ADAM20: variants seen among roughly 807,000 people sequenced by gnomAD.
ADAM20 encodes disintegrin and metalloproteinase domain-containing protein 20.
For missense variants in ADAM20, 871 were observed against 883.2 expected (o/e 0.99, Z 0.18); for synonymous variants, 305 against 310.2 (o/e 0.98, Z 0.18).
chr14:70,574,556 T>C, the ADAM20 span, among the ~76,000 whole-genome samples: 1 of 151,402 alleles, frequency 6.6e-6, no homozygotes, highest in South Asian at 2.1e-4. Context: ...AGGAGAATGG[T>C]GTGAACCCGG....
chr14:70,553,067 C>A, the ADAM20 span, among the ~76,000 whole-genome samples: 1 of 35,510 alleles, frequency 2.8e-5, no homozygotes, highest in Non-Finnish European at 5.3e-5. Context: ...GAACAAAAAA[C>A]CAAACACCGC....
the ADAM20 span, among the ~76,000 whole-genome samples, chr14:70,540,518 C>A: frequency 6.6e-6 from 1 of 152,176 alleles, no homozygotes; most frequent in African/African-American, 2.4e-5. Flanking sequence ...CAATTTTATA[C>A]TTATCTCTGC....
chr14:70,527,344 T>C (rs1434172554), intron 1 of ADAM20, among the ~76,000 whole-genome samples: 1 of 152,180 alleles, frequency 6.6e-6, no homozygotes, highest in Non-Finnish European at 1.5e-5. Context: ...CCTTACCTAC[T>C]TGAAGATTGA....
At chr14:70,554,720 T>C in the ADAM20 span, among the ~76,000 whole-genome samples, 7 of 152,140 alleles carry the variant, frequency 4.6e-5, no homozygotes, top group African/African-American at 1.7e-4. Flanking sequence ...AAGCAGAGAA[T>C]AGAATAGTGG....
intron 1 of ADAM20, among the ~76,000 whole-genome samples, chr14:70,528,282 G>C (rs888005598): frequency 3.3e-5 from 5 of 152,306 alleles, no homozygotes; most frequent in African/African-American, 9.6e-5. Flanking sequence ...GGGCGGGGGA[G>C]TTTGGAACAA....
At position 70,524,017 on chromosome 14, in the gene ADAM20, A is replaced by T. The variant is rs752290108; in HGVS notation, c.741T>A (p.Pro247=). 2 of 1,613,962 alleles carry T rather than the reference A, an allele frequency of 1.2e-6. No homozygotes were observed. Among genetic ancestry groups the T allele is most frequent in the South Asian group, 2.2e-5 (2 of 91,058 alleles). The change falls in exon 2 of 2, where the codon CCT becomes CCA. Residue 247 remains proline (P), a synonymous_variant. Coordinates refer to ENST00000256389, the MANE Select transcript of ADAM20 (RefSeq NM_003814.5). ...VVNIVDSFYH[P]LEVDVILTGI... ...CAGTCAAAATTACATCAACCTCCAA[A>T]GGATGATAGAAGGAATCCACTATAT...
At chr14:70,574,056 C>T in the ADAM20 span, among the ~76,000 whole-genome samples, 1 of 152,190 alleles carries the variant, frequency 6.6e-6, no homozygotes, top group East Asian at 1.9e-4. Flanking sequence ...TAGCCAACAG[C>T]AGTTCTTCTC....
In ADAM20 at chr14:70,527,582, T is replaced by C. The variant is rs1883616919; in HGVS notation, c.-176-2649A>G. On this transcript the variant is annotated intron_variant, in intron 1 of 1. Transcript: ENST00000256389. Reference sequence around the variant, plus strand: ...ATAGTTCTTTTAATGGCCACGCTCATCAGTGGTCTGTATTGCCCCCTCAAA... The same window carrying C: ...ATAGTTCTTTTAATGGCCACGCTCACCAGTGGTCTGTATTGCCCCCTCAAA... Among the ~76,000 whole-genome samples, 5 of 152,318 alleles carry C rather than the reference T, an allele frequency of 3.3e-5. No individual in the cohort carries two copies. The South Asian group carries it at 1.0e-3, about 32-fold the overall frequency.
chr14:70,557,751 AT>A, the ADAM20 span, among the ~76,000 whole-genome samples: 4,978 of 145,124 alleles, frequency 0.034, 220 homozygotes, highest in African/African-American at 0.11. Context: ...TTCTTAAAAC[AT>A]TTTTTTTTTT....
At chr14:70,540,772 A>G in the ADAM20 span, among the ~76,000 whole-genome samples, 2,720 of 152,334 alleles carry the variant, frequency 0.018, 49 homozygotes, top group African/African-American at 0.045. Context: ...CATCTTTAAT[A>G]TTAAAGAGAA....
the ADAM20 span, among the ~76,000 whole-genome samples, chr14:70,541,972 T>C: frequency 0.027 from 4,045 of 152,092 alleles, 81 homozygotes; most frequent in Middle Eastern, 0.058. Flanking sequence ...TGTGAAGCTC[T>C]AACAGGTGCC....
At chr14:70,534,416 AAC>A (rs1883786675) in intron 1 of ADAM20, among the ~76,000 whole-genome samples, 1 of 152,182 alleles carries the variant, frequency 6.6e-6, no homozygotes, top group South Asian at 2.1e-4. Context: ...TTCCCATGTT[AAC>A]TGCAGCATTA....
chr14:70,524,639 G>A lies in ADAM20; in HGVS notation c.119C>T (p.Pro40Leu), dbSNP rs1210131978. ...QARPSQYFTS[P>L]EVVIPLKVIS... is the part of the protein sequence containing the mutation. ...CACCTTCAAAGGGATCACCACTTCT[G>A]GAGAAGTGAAATACTGGGAGGGCCT... Residue 40 changes from proline (P) to leucine (L), a missense_variant, in exon 2 of 2, where the codon CCA becomes CTA. Transcript: ENST00000256389. 2 of 1,614,006 alleles carry A rather than the reference G, an allele frequency of 1.2e-6. No homozygotes were observed. The highest frequency in any genetic ancestry group is 1.7e-5 in the Admixed American group (1 of 59,978).
chr14:70,572,628 T>C, the ADAM20 span, among the ~76,000 whole-genome samples: 7 of 152,174 alleles, frequency 4.6e-5, no homozygotes, highest in African/African-American at 1.7e-4. Context: ...AGCTTTAGCA[T>C]AGCAAAAGAA....
At chr14:70,566,426 G>C in the ADAM20 span, among the ~76,000 whole-genome samples, 1 of 151,626 alleles carries the variant, frequency 6.6e-6, no homozygotes, top group Non-Finnish European at 1.5e-5. Context: ...AAACTTACAG[G>C]AGATACACAA....
In ADAM20 at chr14:70,524,890, C is replaced by T; in HGVS notation, c.-133G>A. Reference sequence around the variant, plus strand: ...CTTTAGGGATCTGGGGATCTGTGTCCTGGTGGAGCTGGACCATCAGAGCTG... The same window carrying T: ...CTTTAGGGATCTGGGGATCTGTGTCTTGGTGGAGCTGGACCATCAGAGCTG... On this transcript the variant is annotated 5_prime_UTR_variant, in exon 2 of 2. Transcript: ENST00000256389. 1.1e-5 allele frequency: 18 copies of T among 1,610,198 alleles called. No homozygotes were observed. The highest frequency in any genetic ancestry group is 1.5e-5 in the Non-Finnish European group (18 of 1,178,548).
At chr14:70,539,970 C>T (rs547645062), upstream of ADAM20, among the ~76,000 whole-genome samples, 6 of 152,296 alleles carry the variant, frequency 3.9e-5, no homozygotes, top group Middle Eastern at 3.4e-3. Context: ...CACAACCTGC[C>T]GATCCGCCTG....
At chr14:70,532,873 C>G (rs955149751) in intron 1 of ADAM20, among the ~76,000 whole-genome samples, 11 of 151,982 alleles carry the variant, frequency 7.2e-5, no homozygotes, top group Non-Finnish European at 1.6e-4. Flanking sequence ...CCTGAATAGG[C>G]ATTTATCCAA....
the ADAM20 span, among the ~76,000 whole-genome samples, chr14:70,566,707 C>T: frequency 5.3e-5 from 8 of 152,228 alleles, no homozygotes; most frequent in East Asian, 3.9e-4. Context: ...AGGCCGGGCG[C>T]GGTGGCTCAC....
Sources: gnomAD v4.1 joint callset for allele counts (sites outside exome capture counted in the v4.1 genomes callset) on GRCh38, gnomAD v4.1.1 for gene constraint, MANE v1.5 for transcripts, NCBI Gene and HGNC (gene_info 2026-07-23, HGNC 2026-07-21) for gene names.